Variants in WDR35 observed in about 807,000 individuals in gnomAD.
The protein encoded by WDR35 is WD repeat-containing protein 35.
A neutral mutation model predicts 158.3 loss-of-function variants in WDR35; 118 were observed. The observed-to-expected ratio is 0.75, with a 90% confidence interval of 0.64 to 0.87. The LOEUF (loss-of-function observed/expected upper bound fraction) is 0.87. Ranked by LOEUF, WDR35 falls within the 40% of genes least tolerant of loss-of-function variation. The probability of loss-of-function intolerance (pLI) is 0.00; values close to 1 mark genes in which losing one functional copy is unlikely to be tolerated. For missense variants in WDR35, 1,263 were observed against 1,405.8 expected (o/e 0.90, Z 1.62); for synonymous variants, 448 against 476.1 (o/e 0.94, Z 0.77).
intron 2 of WDR35, among the ~76,000 whole-genome samples, chr2:19,984,040 T>TAC (rs1399153057): frequency 1.1e-4 from 1 of 8,990 alleles, no homozygotes; most frequent in African/African-American, 1.3e-4. Flanking sequence ...TATATATATA[T>TAC]ACATATATAC....
At chr2:19,940,764 T>C (rs553695890) in intron 17 of WDR35, among the ~76,000 whole-genome samples, 2 of 152,234 alleles carry the variant, frequency 1.3e-5, no homozygotes, top group East Asian at 3.9e-4. Flanking sequence ...CCCTAACTAC[T>C]AAACAACAAA....
intron 10 of WDR35, among the ~76,000 whole-genome samples, chr2:19,962,070 T>C (rs1671680833): frequency 6.6e-6 from 1 of 152,240 alleles, no homozygotes; most frequent in Admixed American, 6.5e-5. Flanking sequence ...CTCAGTTCTT[T>C]AGGGATGGAC....
At chr2:19,985,899 GAAA>G (rs70939024) in intron 2 of WDR35, among the ~76,000 whole-genome samples, 24 of 71,194 alleles carry the variant, frequency 3.4e-4, no homozygotes, top group African/African-American at 5.2e-4. Context: ...CCCATCTCGG[GAAA>G]AAAAAAAAAA....
intron 2 of WDR35, among the ~76,000 whole-genome samples, chr2:19,984,758 G>A (rs1366113706): frequency 6.6e-6 from 1 of 152,218 alleles, no homozygotes; most frequent in Admixed American, 6.5e-5. Flanking sequence ...AGAAAAGCGT[G>A]ACTGCCAATG....
At chr2:19,940,189 CA>C (rs1197342596) in intron 17 of WDR35, among the ~76,000 whole-genome samples, 37,694 of 80,160 alleles carry the variant, frequency 0.47, 6,612 homozygotes, top group East Asian at 0.68. Flanking sequence ...CCCATCTCTA[CA>C]AAAAAAAAAA....
intron 2 of WDR35, among the ~76,000 whole-genome samples, chr2:19,986,879 T>G (rs919208113): frequency 6.6e-6 from 1 of 152,240 alleles, no homozygotes; most frequent in Non-Finnish European, 1.5e-5. Context: ...CTTGTATAAA[T>G]GTACACACTC....
intron 25 of WDR35, among the ~76,000 whole-genome samples, chr2:19,916,441 C>T (rs1337489283): frequency 6.6e-6 from 1 of 152,212 alleles, no homozygotes; most frequent in Non-Finnish European, 1.5e-5. Flanking sequence ...AGGGGTCTGG[C>T]TCAGCAGGTC....
At chr2:19,925,844 G>A (rs527331697) in intron 25 of WDR35, among the ~76,000 whole-genome samples, 5 of 152,240 alleles carry the variant, frequency 3.3e-5, no homozygotes, top group East Asian at 3.9e-4. Flanking sequence ...TGGAAGAACC[G>A]CTTCAAGTGG....
chr2:19,975,809 G>A (rs1327430928), intron 5 of WDR35, 146 bp from the exon 6 acceptor site: 10 of 1,040,406 alleles, frequency 9.6e-6, no homozygotes, highest in Non-Finnish European at 1.4e-5. Flanking sequence ...TATTTACTGA[G>A]CACCTATATG....
chr2:19,961,130 T>G (rs1671636196), intron 10 of WDR35, among the ~76,000 whole-genome samples: 2 of 152,138 alleles, frequency 1.3e-5, no homozygotes, highest in South Asian at 4.1e-4. Context: ...ACATCAAATT[T>G]ATGGTGCAGC....
chr2:19,962,425 T>C, intron 10 of WDR35: 1 of 1,138,264 alleles, frequency 8.8e-7, no homozygotes, highest in East Asian at 2.4e-5. Flanking sequence ...TATATACAAA[T>C]AATCATCAAT....
chr2:19,930,637 T>G, intron 24 of WDR35, 85 bp from the exon 25 acceptor site: 2 of 1,571,484 alleles, frequency 1.3e-6, no homozygotes, highest in Non-Finnish European at 1.7e-6. Context: ...CATTAAAGTA[T>G]CTAAATGAGC....
chr2:19,956,506 G>A (rs1156352133), intron 11 of WDR35, among the ~76,000 whole-genome samples: 1 of 151,898 alleles, frequency 6.6e-6, no homozygotes, highest in East Asian at 1.9e-4. Flanking sequence ...TAATAATAAT[G>A]CCAACCCTAC....
intron 5 of WDR35, among the ~76,000 whole-genome samples, chr2:19,977,092 A>G (rs1256805811): frequency 6.6e-6 from 1 of 152,158 alleles, no homozygotes; most frequent in Non-Finnish European, 1.5e-5. Context: ...TTGGCTTCCC[A>G]AAGTGCTGGG....
intron 19 of WDR35, among the ~76,000 whole-genome samples, chr2:19,937,246 C>T (rs1054760213): frequency 6.6e-6 from 1 of 152,176 alleles, no homozygotes. Context: ...GCCAGGGAGA[C>T]AGGCCTTACA....
At position 19,945,872 on chromosome 2, in the gene WDR35, C is replaced by T; in HGVS notation, c.1759G>A (p.Asp587Asn). ...GGATTATCTTTGGCCCACTTCATAT[C>T]CCAGACATCTCTTCGTTCCAATTTT... is the stretch of plus-strand genomic sequence containing the variant. ...LLKLERRDVW[D>N]MKWAKDNPDL... Residue 587 changes from aspartate to asparagine, a missense_variant, in exon 16 of 27, where the codon GAT becomes AAT. Asp to Asn is a conservative substitution (Grantham distance 23). Transcript: ENST00000281405. 1 of 1,614,036 alleles carries T rather than the reference C, an allele frequency of 6.2e-7. No individual in the cohort carries two copies. The highest frequency in any genetic ancestry group is 8.5e-7 in the Non-Finnish European group (1 of 1,179,904).
At position 19,974,414 on chromosome 2, in the gene WDR35, GA is replaced by G. The variant is rs1225193998; in HGVS notation, c.736+53del. ...ACAGAGTGAGACTCCATCTCAAAAA[GA>G]AAAAAAAAAAAATAGAAATTAAAAA... is the stretch of plus-strand genomic sequence containing the variant. On this transcript the variant is annotated intron_variant, in intron 7 of 26. Transcript: ENST00000281405. 61,471 of 1,028,684 alleles carry G rather than the reference GA, an allele frequency of 0.06. 375 individuals are homozygous for G. The highest frequency in any genetic ancestry group is 0.17 in the African/African-American group (9,628 of 56,126). The allele number at this position is 1,028,684 out of a possible 1,614,324, so 63.7% of individuals were successfully genotyped here.
At chr2:19,976,821 ATT>A (rs34387618) in intron 5 of WDR35, among the ~76,000 whole-genome samples, 100 of 143,260 alleles carry the variant, frequency 7.0e-4, no homozygotes, top group South Asian at 2.8e-3. Flanking sequence ...AATGTTGCTG[ATT>A]TTTTTTTTTT....
chr2:19,972,459 A>T (rs1268491399), intron 8 of WDR35, among the ~76,000 whole-genome samples: 1 of 152,206 alleles, frequency 6.6e-6, no homozygotes, highest in East Asian at 1.9e-4. Context: ...GGCAACCAAC[A>T]AAAATAACCA....
Sources: allele counts gnomAD v4.1 joint callset (sites outside exome capture counted in the v4.1 genomes callset), GRCh38; gene constraint gnomAD v4.1.1; transcripts MANE v1.5; gene names NCBI Gene and HGNC (gene_info 2026-07-23, HGNC 2026-07-21).